CABCOCO1: variants seen among roughly 807,000 people sequenced by gnomAD.
CABCOCO1 encodes ciliary-associated calcium-binding coiled-coil protein 1.
Under a neutral mutation model 35.7 loss-of-function variants are expected in CABCOCO1, and 28 were observed. The ratio of observed to expected loss-of-function variants is 0.78; its 90% CI spans 0.58 to 1.07. The LOEUF (loss-of-function observed/expected upper bound fraction) is 1.07. Ranked by LOEUF, CABCOCO1 falls within the 50% of genes least tolerant of loss-of-function variation. The pLI is 0.00. For synonymous variants in CABCOCO1, 95 were observed against 100.1 expected (o/e 0.95, Z 0.30); for missense variants, 326 against 309.2 (o/e 1.05, Z -0.41).
intron 4 of CABCOCO1, among the ~76,000 whole-genome samples, chr10:61,688,428 G>A (rs1840030873): frequency 6.6e-6 from 1 of 151,996 alleles, no homozygotes; most frequent in African/African-American, 2.4e-5. Flanking sequence ...ATGTGTCTGT[G>A]ATTTGAAAAA....
intron 1 of CABCOCO1, among the ~76,000 whole-genome samples, chr10:61,664,845 A>C (rs1186019638): frequency 6.6e-6 from 1 of 152,208 alleles, no homozygotes; most frequent in Non-Finnish European, 1.5e-5. Context: ...GTTAGATAGA[A>C]AAATGGCAAG....
At chr10:61,723,791 T>C (rs1841079208) in intron 5 of CABCOCO1, among the ~76,000 whole-genome samples, 1 of 152,156 alleles carries the variant, frequency 6.6e-6, no homozygotes, top group Non-Finnish European at 1.5e-5. Flanking sequence ...TTACACTAAA[T>C]GCAGTAACAT....
intron 5 of CABCOCO1, among the ~76,000 whole-genome samples, chr10:61,713,786 G>C (rs1386787030): frequency 1.3e-5 from 2 of 152,128 alleles, no homozygotes; most frequent in Non-Finnish European, 2.9e-5. Flanking sequence ...TTTTGTCATT[G>C]GTTCTGTTTA....
At chr10:61,706,838 C>G (rs1388106983) in intron 5 of CABCOCO1, among the ~76,000 whole-genome samples, 1 of 152,090 alleles carries the variant, frequency 6.6e-6, no homozygotes, top group African/African-American at 2.4e-5. Context: ...AGTTTCTGTC[C>G]TGTCTATGCA....
chr10:61,736,825 G>C (rs1841427230), intron 5 of CABCOCO1, among the ~76,000 whole-genome samples: 1 of 152,130 alleles, frequency 6.6e-6, no homozygotes, highest in Non-Finnish European at 1.5e-5. Context: ...TTTGAGCAGT[G>C]TTTTGTAATT....
intron 3 of CABCOCO1, among the ~76,000 whole-genome samples, chr10:61,683,434 A>T (rs1268563357): frequency 6.6e-6 from 1 of 152,062 alleles, no homozygotes; most frequent in Non-Finnish European, 1.5e-5. Context: ...GGTGGCCCAC[A>T]TCTGTGGTCT....
At chr10:61,665,625 C>G (rs948493994) in intron 1 of CABCOCO1, among the ~76,000 whole-genome samples, 3 of 152,010 alleles carry the variant, frequency 2.0e-5, no homozygotes, top group Non-Finnish European at 4.4e-5. Flanking sequence ...CGGTGGCTCA[C>G]GCCTGTAATC....
At chr10:61,679,180 C>T (rs1839619355) in intron 2 of CABCOCO1, among the ~76,000 whole-genome samples, 1 of 151,968 alleles carries the variant, frequency 6.6e-6, no homozygotes, top group South Asian at 2.1e-4. Context: ...TGGTCCAAAC[C>T]ACAAAATATA....
At chr10:61,755,993 C>T (rs1004945281) in intron 5 of CABCOCO1, among the ~76,000 whole-genome samples, 5 of 151,900 alleles carry the variant, frequency 3.3e-5, no homozygotes, top group Middle Eastern at 3.2e-3. Flanking sequence ...ATTCCCATGG[C>T]GGATGTCCAT....
chr10:61,727,370 A>G (rs943109137), intron 5 of CABCOCO1, among the ~76,000 whole-genome samples: 6 of 152,210 alleles, frequency 3.9e-5, no homozygotes, highest in African/African-American at 1.4e-4. Flanking sequence ...ATAAATCTCA[A>G]GAATAGTTTT....
intron 5 of CABCOCO1, among the ~76,000 whole-genome samples, chr10:61,719,661 C>A (rs959890802): frequency 6.6e-6 from 1 of 152,082 alleles, no homozygotes; most frequent in African/African-American, 2.4e-5. Flanking sequence ...GTGGCTCATG[C>A]CTGTAATCCC....
intron 2 of CABCOCO1, among the ~76,000 whole-genome samples, chr10:61,678,534 C>T (rs2131967258): frequency 6.6e-6 from 1 of 151,806 alleles, no homozygotes; most frequent in South Asian, 2.1e-4. Context: ...TAAAAATACA[C>T]AATGTTCACA....
At chr10:61,764,867 G>A (rs762662211) in intron 7 of CABCOCO1, among the ~76,000 whole-genome samples, 13 of 152,116 alleles carry the variant, frequency 8.5e-5, no homozygotes, top group Non-Finnish European at 1.5e-4. Context: ...TTACTGTGAG[G>A]TGAAATCAAA....
rs1437124144 is a variant in CABCOCO1, at chr10:61,760,007, G to A, written c.553-52G>A. 8.7e-6 allele frequency: 14 copies of A among 1,605,802 alleles called. No homozygotes were observed. The Admixed American group carries it at 2.4e-4, about 27-fold the overall frequency. On this transcript the variant is annotated intron_variant, in intron 5 of 7. Coordinates refer to ENST00000648843, the MANE Select transcript of CABCOCO1 (RefSeq NM_001366906.2). ...ATATATAACGGAACTGACCGAAACT[G>A]TGGTTGCTCACCAAAGGCTCTGTCA...
At chr10:61,727,806 C>T (rs1841194641) in intron 5 of CABCOCO1, among the ~76,000 whole-genome samples, 1 of 152,084 alleles carries the variant, frequency 6.6e-6, no homozygotes, top group African/African-American at 2.4e-5. Flanking sequence ...GTTCCTTGAG[C>T]TGGAACAATT....
intron 5 of CABCOCO1, among the ~76,000 whole-genome samples, chr10:61,702,524 C>T (rs577476476): frequency 2.7e-4 from 41 of 152,204 alleles, no homozygotes; most frequent in Non-Finnish European, 4.0e-4. Flanking sequence ...CTGGCTCTAT[C>T]TTGGTGAATG....
intron 1 of CABCOCO1, among the ~76,000 whole-genome samples, chr10:61,669,447 T>C (rs34463255): frequency 0.016 from 2,364 of 152,164 alleles, 38 homozygotes; most frequent in East Asian, 0.045. Flanking sequence ...CATATCCACA[T>C]ATTTTAGCTT....
At chr10:61,712,304 T>G (rs1011924416) in intron 5 of CABCOCO1, among the ~76,000 whole-genome samples, 1 of 152,202 alleles carries the variant, frequency 6.6e-6, no homozygotes, top group Non-Finnish European at 1.5e-5. Context: ...CATAGATGTC[T>G]TCTTCTGAGA....
intron 5 of CABCOCO1, among the ~76,000 whole-genome samples, chr10:61,703,712 T>C (rs952444670): frequency 6.7e-6 from 1 of 148,712 alleles, no homozygotes; most frequent in African/African-American, 2.5e-5. Flanking sequence ...TACTTACTCT[T>C]TCTCTCTCTC....
Sources: gnomAD v4.1 joint callset for allele counts (sites outside exome capture counted in the v4.1 genomes callset) on GRCh38, gnomAD v4.1.1 for gene constraint, MANE v1.5 for transcripts, NCBI Gene and HGNC (gene_info 2026-07-23, HGNC 2026-07-21) for gene names.